The following ZEB1 variants were observed in gnomAD, a reference collection of about 807,000 sequenced individuals.
ZEB1 encodes the protein zinc finger E-box binding homeobox 1.
A neutral mutation model predicts 84.9 loss-of-function variants in ZEB1; 21 were observed. The ratio of observed to expected loss-of-function variants is 0.25; its 90% confidence interval spans 0.18 to 0.36. ZEB1 has a LOEUF of 0.36. Among genes scored for constraint, ZEB1 ranks in the 10% least tolerant of loss-of-function variants. The pLI is 1.00. For synonymous variants in ZEB1, 420 were observed against 471.1 expected, an observed-to-expected ratio of 0.89 and a Z score of 1.41; for missense variants, 1,104 against 1,330.2, an observed-to-expected ratio of 0.83 and a Z score of 2.65.
intron 2 of ZEB1, among the ~76,000 whole-genome samples, chr10:31,465,410 G>GA (rs545918130): frequency 6.6e-6 from 1 of 150,542 alleles, no homozygotes; most frequent in Non-Finnish European, 1.5e-5. Flanking sequence ...ATAATTAAAA[G>GA]AAAAAAACTG....
At chr10:31,516,983 G>A (rs1421286652) in intron 6 of ZEB1, among the ~76,000 whole-genome samples, 1 of 151,944 alleles carries the variant, frequency 6.6e-6, no homozygotes, top group Non-Finnish European at 1.5e-5. Context: ...TAAGCATTTA[G>A]CATTTATTAT....
chr10:31,442,238 A>T (rs995342512), intron 1 of ZEB1, among the ~76,000 whole-genome samples: 52 of 152,204 alleles, frequency 3.4e-4, no homozygotes, highest in African/African-American at 1.2e-3. Context: ...ATAAGAAATG[A>T]TGAGTTCATG....
chr10:31,409,650 ATG>A (rs2053854599), intron 1 of ZEB1, among the ~76,000 whole-genome samples: 1 of 152,170 alleles, frequency 6.6e-6, no homozygotes, highest in East Asian at 1.9e-4. Flanking sequence ...TGAGCATGGA[ATG>A]TTTTTCCATT....
intron 1 of ZEB1, among the ~76,000 whole-genome samples, chr10:31,335,932 T>TAA (rs2037927949): frequency 1.3e-5 from 2 of 152,314 alleles, no homozygotes; most frequent in Admixed American, 6.5e-5. Flanking sequence ...TTTTTCAGAC[T>TAA]TTTTGCTGGC....
chr10:31,373,193 TTG>T (rs527915359), intron 1 of ZEB1: 44,160 of 851,464 alleles, frequency 0.052, 443 homozygotes, highest in African/African-American at 0.15. Context: ...TTCATTTAAA[TTG>T]TGTGTGTGTG....
Position 31,528,290 on chromosome 10 carries a change from C to T in ZEB1, c.*1026C>T, listed in dbSNP as rs2073809722. 6.6e-6 allele frequency: 1 copy of T among 152,192 alleles called. No individual in the cohort carries two copies. The highest frequency in any genetic ancestry group is 1.5e-5 in the Non-Finnish European group (1 of 68,022). The allele number at this position is 152,192 out of a possible 1,614,324, so 9.4% of individuals were successfully genotyped here. ...TGACTCTGTCAGAGAAACTGAAACA[C>T]TGGGACATTTCATCCTTCAATTCCT... On this transcript the variant is annotated 3_prime_UTR_variant, in exon 9 of 9. Transcript: ENST00000424869.
intron 1 of ZEB1, among the ~76,000 whole-genome samples, chr10:31,371,989 A>G (rs558330886): frequency 7.2e-5 from 11 of 152,216 alleles, no homozygotes; most frequent in African/African-American, 2.6e-4. Flanking sequence ...CTGGATAGAT[A>G]TGCATGCATG....
In ZEB1 at chr10:31,512,285, C is replaced by T. The variant is rs114537868; in HGVS notation, c.687+1410C>T. On this transcript the variant is annotated intron_variant, in intron 5 of 8. Coordinates refer to ENST00000424869, the MANE Select transcript of ZEB1 (RefSeq NM_001174096.2). ...AGGAGAGGACAGATTGAACTGGTGGCGAAAGCAGAAGATGCCATTATAAAA... is the reference window on the plus strand; with the variant it reads ...AGGAGAGGACAGATTGAACTGGTGGTGAAAGCAGAAGATGCCATTATAAAA... 5.6e-3 allele frequency among the ~76,000 whole-genome samples: 849 copies of T among 152,096 alleles called. 13 individuals carry two copies. The highest frequency in any genetic ancestry group is 0.02 in the African/African-American group (814 of 41,488).
intron 1 of ZEB1, among the ~76,000 whole-genome samples, chr10:31,449,534 G>A (rs1368071195): frequency 6.6e-6 from 1 of 152,002 alleles, no homozygotes; most frequent in Non-Finnish European, 1.5e-5. Context: ...AAAGTCTTGG[G>A]GTGGGGATCT....
chr10:31,336,121 G>A (rs1220812697), intron 1 of ZEB1, among the ~76,000 whole-genome samples: 1 of 152,122 alleles, frequency 6.6e-6, no homozygotes, highest in East Asian at 1.9e-4. Flanking sequence ...CATTGTAATG[G>A]TGCCATTTCT....
At chr10:31,331,571 T>A (rs973012755) in intron 1 of ZEB1, among the ~76,000 whole-genome samples, 1 of 152,060 alleles carries the variant, frequency 6.6e-6, no homozygotes, top group Non-Finnish European at 1.5e-5. Context: ...TATAGTGTGG[T>A]AGGGAAGAAA....
At chr10:31,403,887 A>G (rs1480383997) in intron 1 of ZEB1, among the ~76,000 whole-genome samples, 1 of 152,130 alleles carries the variant, frequency 6.6e-6, no homozygotes, top group East Asian at 1.9e-4. Context: ...TTAGGTCTGC[A>G]GAAGTCATAT....
intron 1 of ZEB1, among the ~76,000 whole-genome samples, chr10:31,446,249 G>A (rs952202753): frequency 2.0e-5 from 3 of 152,104 alleles, no homozygotes; most frequent in Non-Finnish European, 4.4e-5. Flanking sequence ...ATTTCTGTGG[G>A]ATCGGTGGTG....
At chr10:31,343,683 T>G (rs1478440365) in intron 1 of ZEB1, among the ~76,000 whole-genome samples, 1 of 152,114 alleles carries the variant, frequency 6.6e-6, no homozygotes, top group Non-Finnish European at 1.5e-5. Flanking sequence ...TTGGAGGAGA[T>G]GATTCTGAAG....
chr10:31,424,243 T>G (rs968969768), intron 1 of ZEB1, among the ~76,000 whole-genome samples: 1 of 152,046 alleles, frequency 6.6e-6, no homozygotes, highest in Non-Finnish European at 1.5e-5. Flanking sequence ...CTATAAATTT[T>G]TTTTTGCAGA....
At chr10:31,393,887 A>C (rs114005086) in intron 1 of ZEB1, among the ~76,000 whole-genome samples, 1 of 152,100 alleles carries the variant, frequency 6.6e-6, no homozygotes. Context: ...TAGCAATCTC[A>C]TCATTTATAC....
chr10:31,356,242 T>TG (rs2042099320), intron 1 of ZEB1, among the ~76,000 whole-genome samples: 1 of 152,126 alleles, frequency 6.6e-6, no homozygotes, highest in African/African-American at 2.4e-5. Context: ...TGTTATTGTT[T>TG]GACTTCATTA....
chr10:31,366,244 G>GA (rs2044463278), intron 1 of ZEB1, among the ~76,000 whole-genome samples: 1 of 152,012 alleles, frequency 6.6e-6, no homozygotes, highest in Non-Finnish European at 1.5e-5. Context: ...GGAAGTTCCA[G>GA]AAAAAAACAG....
intron 1 of ZEB1, among the ~76,000 whole-genome samples, chr10:31,455,938 C>T (rs1591476128): frequency 6.6e-6 from 1 of 152,278 alleles, no homozygotes; most frequent in East Asian, 1.9e-4. Flanking sequence ...AATCATGCTG[C>T]TATAAAGACA....
Sources: gnomAD v4.1 joint callset for allele counts (sites outside exome capture counted in the v4.1 genomes callset) on GRCh38, gnomAD v4.1.1 for gene constraint, MANE v1.5 for transcripts, NCBI Gene and HGNC (gene_info 2026-07-23, HGNC 2026-07-21) for gene names.